The following LPIN1 variants were observed in gnomAD, a reference collection of about 807,000 sequenced individuals.
LPIN1 encodes lipin 1.
Under a neutral mutation model 107.5 loss-of-function variants are expected in LPIN1, and 71 were observed. That is an observed-to-expected ratio of 0.66 (90% CI 0.55 to 0.80). LPIN1 has a LOEUF of 0.80. LPIN1 is among the 30% of genes least tolerant of loss of function. The pLI is 0.00. For missense variants in LPIN1, 1,043 were observed against 1,160.6 expected (o/e 0.90, Z 1.47); for synonymous variants, 445 against 452.6 (o/e 0.98, Z 0.21).
At position 11,803,137 on chromosome 2, in the gene LPIN1, T is replaced by C. The variant is rs1678071104; in HGVS notation, c.2013+104T>C. ...GGATGTGCCCGTTACTTGTCACCTTTCATCCCAGGGGGCCTGCAATCCCTC... is the reference window on the plus strand; with the variant it reads ...GGATGTGCCCGTTACTTGTCACCTTCCATCCCAGGGGGCCTGCAATCCCTC... On this transcript the variant is annotated intron_variant, in intron 15 of 20. Coordinates refer to ENST00000674199, the MANE Select transcript of LPIN1 (RefSeq NM_001349206.2). The surrounding 1 kb of genome is among the most constrained non-coding windows in gnomAD (Gnocchi z 4.2). 15 of 1,510,562 alleles carry C rather than the reference T, an allele frequency of 9.9e-6. No individual in the cohort carries two copies. The highest frequency in any genetic ancestry group is 1.3e-5 in the Non-Finnish European group (14 of 1,097,908). The allele number at this position is 1,510,562 out of a possible 1,614,324, so 93.6% of individuals were successfully genotyped here.
intron 2 of LPIN1, 142 bp from the exon 3 acceptor site, chr2:11,767,621 C>T (rs533846054): frequency 3.1e-5 from 22 of 700,598 alleles, no homozygotes; most frequent in South Asian, 9.2e-5. Flanking sequence ...TTGGATGGGA[C>T]GGCCTGACTG....
chr2:11,726,957 A>G (rs1664725867), intron 1 of LPIN1, among the ~76,000 whole-genome samples: 1 of 152,222 alleles, frequency 6.6e-6, no homozygotes, highest in South Asian at 2.1e-4. Context: ...TGAAGGCCAC[A>G]AAGGAACGTG....
chr2:11,786,764 ACT>A lies in LPIN1; in HGVS notation c.1550-307_1550-306del, dbSNP rs1353162105. ...GGCTTCTGCGCCATGCGTAGCCATG[ACT>A]CTGCCTGTGCAGATGCACGTGTGTG... On this transcript the variant is annotated intron_variant, in intron 10 of 20. Coordinates refer to ENST00000674199, the MANE Select transcript of LPIN1 (RefSeq NM_001349206.2). This position sits in a 1 kb window ranked among gnomAD's most constrained non-coding sequence, Gnocchi z 4.1. Among the ~76,000 whole-genome samples, 1 of 152,170 alleles carries A rather than the reference ACT, an allele frequency of 6.6e-6. No homozygotes were observed. The highest frequency in any genetic ancestry group is 6.5e-5 in the Admixed American group (1 of 15,288).
intron 1 of LPIN1, among the ~76,000 whole-genome samples, chr2:11,759,808 G>A (rs1203956135): frequency 2.2e-5 from 1 of 45,440 alleles, no homozygotes; most frequent in Non-Finnish European, 4.6e-5. Context: ...CTGGCCGGGC[G>A]GGGGCTGACC....
intron 12 of LPIN1, among the ~76,000 whole-genome samples, chr2:11,790,663 A>G (rs1675561373): frequency 6.6e-6 from 1 of 152,184 alleles, no homozygotes; most frequent in Non-Finnish European, 1.5e-5. Flanking sequence ...AGGACCGTGT[A>G]TTAACTAACC....
chr2:11,700,928 G>C (rs560292968), intron 1 of LPIN1, among the ~76,000 whole-genome samples: 20 of 152,284 alleles, frequency 1.3e-4, no homozygotes, highest in African/African-American at 4.8e-4. Context: ...CTTTGTCACT[G>C]TCCTGGGCGG....
chr2:11,678,178 T>C (rs550074289), intron 1 of LPIN1, among the ~76,000 whole-genome samples: 1 of 152,216 alleles, frequency 6.6e-6, no homozygotes, highest in Admixed American at 6.5e-5. Context: ...TCCAATAACA[T>C]GCTGTGTGTG....
chr2:11,732,559 A>G (rs1665342482), intron 1 of LPIN1, among the ~76,000 whole-genome samples: 1 of 152,218 alleles, frequency 6.6e-6, no homozygotes, highest in African/African-American at 2.4e-5. Flanking sequence ...AAATGGTTAG[A>G]TAATGTCTGC....
chr2:11,757,752 G>A (rs1199652399), intron 1 of LPIN1, among the ~76,000 whole-genome samples: 1 of 151,890 alleles, frequency 6.6e-6, no homozygotes, highest in Non-Finnish European at 1.5e-5. Context: ...TAGTATCCTG[G>A]CTTCCTGAAA....
intron 11 of LPIN1, among the ~76,000 whole-genome samples, chr2:11,788,097 C>T (rs890038693): frequency 1.3e-5 from 2 of 152,180 alleles, no homozygotes; most frequent in Non-Finnish European, 2.9e-5. Flanking sequence ...ACCCCAAGCA[C>T]GTCGTGGTTT....
At chr2:11,702,478 CA>C (rs1662921896) in intron 1 of LPIN1, among the ~76,000 whole-genome samples, 1 of 152,142 alleles carries the variant, frequency 6.6e-6, no homozygotes, top group Non-Finnish European at 1.5e-5. Context: ...GGAAGGTCTG[CA>C]GGCCAGCCAC....
At chr2:11,806,649 T>G (rs1678739322) in intron 17 of LPIN1, among the ~76,000 whole-genome samples, 1 of 152,202 alleles carries the variant, frequency 6.6e-6, no homozygotes, top group Non-Finnish European at 1.5e-5. Context: ...GACTTTACTT[T>G]TCTAGATTTC....
At chr2:11,679,810 G>T (rs1265321718) in intron 1 of LPIN1, among the ~76,000 whole-genome samples, 2 of 152,256 alleles carry the variant, frequency 1.3e-5, no homozygotes, top group African/African-American at 4.8e-5. Context: ...GGGGCCGGGG[G>T]AGTCTGGCCT....
rs1054631248 is a variant in LPIN1 at position 11,778,663 on chromosome 2, G to T, written c.831-856G>T. Among the ~76,000 whole-genome samples the T allele has an allele frequency of 9.9e-5, 15 of 152,234 alleles. 1 individual carries two copies. The highest frequency in any genetic ancestry group is 3.3e-4 in the Admixed American group (5 of 15,290). On this transcript the variant is annotated intron_variant, in intron 6 of 20. Coordinates refer to ENST00000674199, the MANE Select transcript of LPIN1 (RefSeq NM_001349206.2). Reference sequence around the variant, plus strand: ...CCTGCCGCCTTCCTCTAGAGGAAATGATGTGGGAAAATAAGCAATAATTAA... The same window carrying T: ...CCTGCCGCCTTCCTCTAGAGGAAATTATGTGGGAAAATAAGCAATAATTAA...
chr2:11,799,251 AT>A (rs201269854), intron 14 of LPIN1, among the ~76,000 whole-genome samples: 96 of 149,502 alleles, frequency 6.4e-4, no homozygotes, highest in East Asian at 5.7e-3. Context: ...AATTTAGTGG[AT>A]TTTTTTTTTA....
intron 1 of LPIN1, among the ~76,000 whole-genome samples, chr2:11,731,977 C>A (rs1363644065): frequency 6.6e-6 from 1 of 151,974 alleles, no homozygotes; most frequent in Admixed American, 6.6e-5. Context: ...GGATATTAGA[C>A]CTTTGTCAGA....
intron 17 of LPIN1, among the ~76,000 whole-genome samples, chr2:11,809,490 C>A (rs1420116100): frequency 6.6e-6 from 1 of 152,038 alleles, no homozygotes; most frequent in Non-Finnish European, 1.5e-5. Flanking sequence ...GATCTTGGCT[C>A]ACTGCAACCT....
At position 11,786,171 on chromosome 2, in the gene LPIN1, A is replaced by G. The variant is rs1373222848; in HGVS notation, c.1550-903A>G. ...CTTACAGGTGAGGCCAGATCGTCAC[A>G]GTCAGGAGACCCCAGGAGAGTCCCC... On this transcript the variant is annotated intron_variant, in intron 10 of 20. Transcript: ENST00000674199. This position sits in a 1 kb window ranked among gnomAD's most constrained non-coding sequence, Gnocchi z 4.1. Among the ~76,000 whole-genome samples the G allele has an allele frequency of 2.0e-5, 3 of 152,138 alleles. No homozygotes were observed. The East Asian group carries it at 5.8e-4, about 29-fold the overall frequency.
intron 1 of LPIN1, among the ~76,000 whole-genome samples, chr2:11,752,433 A>ATTTTTTTTTTTTTTTTTTTTTTTTTTT (rs34156190): frequency 2.9e-5 from 3 of 103,868 alleles, no homozygotes; most frequent in African/African-American, 1.7e-4. Flanking sequence ...TTCCAAGGCC[A>ATTTTTTTTTTTTTTTTTTTTTTTTTTT]TTTTTTTTTT....
Sources: allele counts gnomAD v4.1 joint callset (sites outside exome capture counted in the v4.1 genomes callset), GRCh38; gene constraint gnomAD v4.1.1; non-coding constraint Gnocchi (gnomAD v3.1); transcripts MANE v1.5; gene names NCBI Gene and HGNC (gene_info 2026-07-23, HGNC 2026-07-21).